Variants in NRXN1 observed in about 807,000 individuals in gnomAD.
The protein encoded by NRXN1 is neurexin-1.
In NRXN1, 39 loss-of-function variants were observed where a neutral mutation model predicts 150.9. The ratio of observed to expected loss-of-function variants is 0.26; its 90% CI spans 0.20 to 0.34. The LOEUF (loss-of-function observed/expected upper bound fraction) is 0.34, where lower values mean the gene tolerates loss of function less well. Ranked by LOEUF, NRXN1 falls within the 10% of genes least tolerant of loss-of-function variation. The probability of loss-of-function intolerance (pLI) is 1.00; values close to 1 mark genes in which losing one functional copy is unlikely to be tolerated. For synonymous variants in NRXN1, 924 were observed against 757.0 expected, an observed-to-expected ratio of 1.22 and a Z score of -3.62; for missense variants, 1,815 against 1,949.9, an observed-to-expected ratio of 0.93 and a Z score of 1.30.
chr2:50,094,881 A>C (rs1019797731), intron 18 of NRXN1, among the ~76,000 whole-genome samples: 37 of 152,154 alleles, frequency 2.4e-4, no homozygotes, highest in Non-Finnish European at 5.3e-4. Flanking sequence ...ATTGCAGGTA[A>C]ATTCTAATAA....
chr2:50,195,427 T>G (rs1340289357), intron 18 of NRXN1, among the ~76,000 whole-genome samples: 1 of 152,206 alleles, frequency 6.6e-6, no homozygotes, highest in East Asian at 1.9e-4. Flanking sequence ...GTGCTAAATT[T>G]TAACAGTGAT....
At chr2:50,276,945 GC>G (rs2070559631) in intron 17 of NRXN1, among the ~76,000 whole-genome samples, 1 of 152,100 alleles carries the variant, frequency 6.6e-6, no homozygotes, top group South Asian at 2.1e-4. Context: ...TAGCCCCCCT[GC>G]TTTGACTAGG....
intron 21 of NRXN1, among the ~76,000 whole-genome samples, chr2:50,051,769 G>A (rs999350423): frequency 3.9e-5 from 6 of 152,052 alleles, no homozygotes; most frequent in Admixed American, 1.3e-4. Flanking sequence ...TTTGAGGGCA[G>A]GGGTTTCGTT....
intron 18 of NRXN1, among the ~76,000 whole-genome samples, chr2:50,132,953 A>T (rs1368872004): frequency 6.6e-6 from 1 of 152,054 alleles, no homozygotes; most frequent in Non-Finnish European, 1.5e-5. Context: ...ATACCCAAAA[A>T]AACACTTGAT....
intron 18 of NRXN1, among the ~76,000 whole-genome samples, chr2:50,114,045 A>C (rs542139636): frequency 2.6e-5 from 4 of 152,222 alleles, no homozygotes; most frequent in African/African-American, 7.2e-5. Flanking sequence ...TGAACCCTAA[A>C]ATTACAGATG....
chr2:50,004,088 T>A (rs1684374397), intron 21 of NRXN1, among the ~76,000 whole-genome samples: 1 of 151,962 alleles, frequency 6.6e-6, no homozygotes, highest in African/African-American at 2.4e-5. Flanking sequence ...GAGTAAAAAG[T>A]TTACATTGGT....
chr2:50,226,179 A>AT (rs536898469), intron 18 of NRXN1, among the ~76,000 whole-genome samples: 8 of 151,860 alleles, frequency 5.3e-5, no homozygotes, highest in Non-Finnish European at 1.0e-4. Context: ...CTGAGTATAT[A>AT]TTTTTTCCTT....
chr2:50,793,308 T>G (rs1706324568), intron 5 of NRXN1, among the ~76,000 whole-genome samples: 1 of 152,096 alleles, frequency 6.6e-6, no homozygotes, highest in Non-Finnish European at 1.5e-5. Flanking sequence ...CATGCCAGGA[T>G]AAAACAGAGG....
intron 8 of NRXN1, among the ~76,000 whole-genome samples, chr2:50,607,967 C>A (rs891519760): frequency 5.3e-5 from 8 of 151,844 alleles, no homozygotes; most frequent in African/African-American, 1.9e-4. Context: ...TCAGTGTAAT[C>A]AGATGAGAAG....
At chr2:50,335,794 T>A (rs2077150698) in intron 17 of NRXN1, among the ~76,000 whole-genome samples, 1 of 152,164 alleles carries the variant, frequency 6.6e-6, no homozygotes, top group Non-Finnish European at 1.5e-5. Context: ...TGTCTTTTAC[T>A]TAAAGAATCT....
chr2:50,586,579 T>G (rs1288332171), intron 8 of NRXN1, among the ~76,000 whole-genome samples: 5 of 151,780 alleles, frequency 3.3e-5, no homozygotes, highest in African/African-American at 1.2e-4. Flanking sequence ...AAAAAAAAAG[T>G]AGACTAATCA....
chr2:50,911,758 T>C (rs1254776836), intron 5 of NRXN1, among the ~76,000 whole-genome samples: 1 of 151,928 alleles, frequency 6.6e-6, no homozygotes, highest in Non-Finnish European at 1.5e-5. Context: ...GGGCATTACA[T>C]ACAAAGTTTA....
chr2:50,986,506 G>T (rs1000613961), intron 2 of NRXN1, among the ~76,000 whole-genome samples: 4 of 150,878 alleles, frequency 2.7e-5, no homozygotes, highest in Non-Finnish European at 4.4e-5. Flanking sequence ...ATTTTTTTTT[G>T]AAAACACTGA....
At chr2:49,979,130 C>T (rs1679532644) in intron 21 of NRXN1, among the ~76,000 whole-genome samples, 2 of 152,126 alleles carry the variant, frequency 1.3e-5, no homozygotes, top group South Asian at 4.1e-4. Context: ...AACCCTGTCT[C>T]TACTAAAAAT....
At chr2:50,105,173 G>A (rs1427195247) in intron 18 of NRXN1, 7 of 151,938 alleles carry the variant, frequency 4.6e-5, no homozygotes, top group African/African-American at 1.4e-4. Flanking sequence ...AGCTCTAGAC[G>A]CTTACCATTT....
chr2:50,983,713 A>T (rs897824066), intron 2 of NRXN1, among the ~76,000 whole-genome samples: 2 of 152,138 alleles, frequency 1.3e-5, no homozygotes, highest in Non-Finnish European at 2.9e-5. Flanking sequence ...AACATAAAAT[A>T]AAAATCTGTT....
intron 17 of NRXN1, among the ~76,000 whole-genome samples, chr2:50,280,337 T>A (rs1204217608): frequency 6.6e-6 from 1 of 151,976 alleles, no homozygotes; most frequent in Non-Finnish European, 1.5e-5. Context: ...AAATGCATTA[T>A]TAATTTATGA....
At chr2:51,003,704 A>G (rs370345064) in intron 2 of NRXN1, among the ~76,000 whole-genome samples, 1 of 151,952 alleles carries the variant, frequency 6.6e-6, no homozygotes, top group Non-Finnish European at 1.5e-5. Flanking sequence ...TTGTACACAC[A>G]ATAGTAACAT....
rs184267022 is a variant in NRXN1, at chr2:50,642,886, G to C, written c.833-19271C>G. Reference sequence around the variant, plus strand: ...TGGAGGAAAAGCCTTCTTCTAAAAAGGGTTTGTTTTACACTACCTGTCAAA... The same window carrying C: ...TGGAGGAAAAGCCTTCTTCTAAAAACGGTTTGTTTTACACTACCTGTCAAA... On this transcript the variant is annotated intron_variant, in intron 5 of 22. Coordinates refer to ENST00000401669, the MANE Select transcript of NRXN1 (RefSeq NM_001330078.2). 2.0e-5 allele frequency among the ~76,000 whole-genome samples: 3 copies of C among 151,940 alleles called. No individual in the cohort carries two copies. The East Asian group carries it at 5.8e-4, about 29-fold the overall frequency.
Sources: gnomAD v4.1 joint callset for allele counts (sites outside exome capture counted in the v4.1 genomes callset) on GRCh38, gnomAD v4.1.1 for gene constraint, MANE v1.5 for transcripts, NCBI Gene and HGNC (gene_info 2026-07-23, HGNC 2026-07-21) for gene names.